TNS3: variants seen among roughly 807,000 people sequenced by gnomAD.
TNS3 encodes the protein tensin-3.
In TNS3, 45 loss-of-function variants were observed where a neutral mutation model predicts 140.9. That is an observed-to-expected ratio of 0.32 (90% CI 0.25 to 0.41). The LOEUF (loss-of-function observed/expected upper bound fraction) is 0.41. TNS3 is among the 10% of genes least tolerant of loss of function. The probability of loss-of-function intolerance (pLI) is 1.00; values close to 1 mark genes in which losing one functional copy is unlikely to be tolerated. For missense variants in TNS3, 1,716 were observed against 1,906.7 expected, an observed-to-expected ratio of 0.90 and a Z score of 1.86; for synonymous variants, 815 against 788.4, an observed-to-expected ratio of 1.03 and a Z score of -0.56.
chr7:47,507,136 G>C (rs947377683), intron 2 of TNS3, among the ~76,000 whole-genome samples, 192 bp from the exon 3 acceptor site: 1 of 152,220 alleles, frequency 6.6e-6, no homozygotes. Flanking sequence ...GACATGGTGT[G>C]CAAGAGCAGA....
intron 2 of TNS3, among the ~76,000 whole-genome samples, chr7:47,522,725 G>A (rs564647882): frequency 1.5e-4 from 23 of 152,200 alleles, no homozygotes; most frequent in African/African-American, 4.1e-4. Flanking sequence ...TCAGGAGATC[G>A]AGACCATCCT....
chr7:47,288,252 G>A (rs1282902449), intron 27 of TNS3, among the ~76,000 whole-genome samples: 1 of 152,040 alleles, frequency 6.6e-6, no homozygotes, highest in African/African-American at 2.4e-5. Context: ...TGCCAACTTG[G>A]GTCCTCTGTC....
intron 10 of TNS3, among the ~76,000 whole-genome samples, chr7:47,420,019 T>C (rs965385771): frequency 2.0e-5 from 3 of 152,220 alleles, no homozygotes; most frequent in East Asian, 1.9e-4. Flanking sequence ...GCAATTCCCC[T>C]GTCTTGGTAA....
At chr7:47,326,725 G>A (rs1425911463) in intron 20 of TNS3, among the ~76,000 whole-genome samples, 1 of 152,142 alleles carries the variant, frequency 6.6e-6, no homozygotes, top group Non-Finnish European at 1.5e-5. Flanking sequence ...ACACTGACAC[G>A]CATATGGAAT....
chr7:47,368,319 C>T (rs540352871), intron 17 of TNS3, 46 bp downstream of exon 17: 40 of 1,431,686 alleles, frequency 2.8e-5, no homozygotes, highest in African/African-American at 2.3e-4. Flanking sequence ...ATTAGCCTCC[C>T]GTGGAGCACC....
chr7:47,365,650 G>A (rs1433972198), intron 17 of TNS3, among the ~76,000 whole-genome samples: 1 of 152,038 alleles, frequency 6.6e-6, no homozygotes, highest in Admixed American at 6.5e-5. Flanking sequence ...TGTAGTCCCA[G>A]CTACTGGGTT....
Position 47,408,881 on chromosome 7 carries a change from T to C in TNS3, c.723+2846A>G, listed in dbSNP as rs150633801. Among the ~76,000 whole-genome samples, 280 of 152,146 alleles carry C rather than the reference T, an allele frequency of 1.8e-3. 4 individuals are homozygous for C. The highest frequency in any genetic ancestry group is 6.6e-3 in the African/African-American group (272 of 41,508). On this transcript the variant is annotated intron_variant, in intron 13 of 30. Coordinates refer to ENST00000311160, the MANE Select transcript of TNS3 (RefSeq NM_022748.12). ...CAGGACACGTCCATCTGAGTCCTCC[T>C]GTGACCTCTCCCACCCCGTCTCATC... is the stretch of plus-strand genomic sequence containing the variant.
intron 1 of TNS3, chr7:47,579,854 G>T (rs1481850819): frequency 1.0e-6 from 1 of 985,176 alleles, no homozygotes; most frequent in African/African-American, 1.7e-5. Flanking sequence ...TTGCCATACT[G>T]CCTCCTCCTC....
intron 1 of TNS3, among the ~76,000 whole-genome samples, chr7:47,577,742 T>G (rs1167777828): frequency 2.0e-5 from 3 of 152,062 alleles, no homozygotes; most frequent in African/African-American, 7.2e-5. Context: ...ACTTGAGTAG[T>G]AAAAGGAAGG....
Position 47,430,810 on chromosome 7 carries a change from G to A in TNS3, c.325-2434C>T, listed in dbSNP as rs1191372241. Among the ~76,000 whole-genome samples the A allele has an allele frequency of 6.6e-5, 10 of 150,708 alleles. No individual in the cohort carries two copies. The East Asian group carries it at 9.8e-4, about 15-fold the overall frequency. ...ATCTCAGCTCACTACAACCTCCACC[G>A]CCTGGGTTCAAGCGATTCTCGTGCC... On this transcript the variant is annotated intron_variant, in intron 8 of 30. Coordinates refer to ENST00000311160, the MANE Select transcript of TNS3 (RefSeq NM_022748.12).
chr7:47,555,412 A>G (rs1187918096), intron 1 of TNS3, among the ~76,000 whole-genome samples: 1 of 152,188 alleles, frequency 6.6e-6, no homozygotes, highest in East Asian at 1.9e-4. Flanking sequence ...AAAAAAAAAA[A>G]AAAAAGAAAG....
chr7:47,440,323 C>T (rs1373152788), intron 5 of TNS3, among the ~76,000 whole-genome samples: 1 of 152,104 alleles, frequency 6.6e-6, no homozygotes, highest in Non-Finnish European at 1.5e-5. Flanking sequence ...AGTAGCAACT[C>T]AGCAGACTCC....
At chr7:47,561,517 G>T (rs1394359870) in intron 1 of TNS3, among the ~76,000 whole-genome samples, 1 of 151,926 alleles carries the variant, frequency 6.6e-6, no homozygotes, top group Non-Finnish European at 1.5e-5. Flanking sequence ...CAAAACCATT[G>T]TTTCCCTCAT....
chr7:47,400,710 G>C, intron 14 of TNS3, 75 bp downstream of exon 14: 1 of 1,581,770 alleles, frequency 6.3e-7, no homozygotes, highest in Non-Finnish European at 8.6e-7. Flanking sequence ...GGGTAAAGGG[G>C]ATAGTGAAAG....
At chr7:47,505,950 G>T (rs572310651) in intron 3 of TNS3, among the ~76,000 whole-genome samples, 1 of 152,302 alleles carries the variant, frequency 6.6e-6, no homozygotes, top group East Asian at 1.9e-4. Flanking sequence ...TGAGTTCATG[G>T]TAACATGAAG....
At chr7:47,355,700 C>T (rs1332998843) in intron 17 of TNS3, among the ~76,000 whole-genome samples, 1 of 152,192 alleles carries the variant, frequency 6.6e-6, no homozygotes, top group Non-Finnish European at 1.5e-5. Flanking sequence ...CACTGAACTC[C>T]CAATTATGTA....
intron 4 of TNS3, among the ~76,000 whole-genome samples, chr7:47,467,655 G>A (rs1796775238): frequency 6.6e-6 from 1 of 152,146 alleles, no homozygotes; most frequent in Non-Finnish European, 1.5e-5. Context: ...AGCTCAAGAT[G>A]CCTTCAGTGA....
intron 1 of TNS3, chr7:47,581,508 G>T (rs935491010): frequency 9.8e-5 from 15 of 152,288 alleles, no homozygotes; most frequent in African/African-American, 3.6e-4. Context: ...CTCTCCACCT[G>T]GAGTCTCGAG....
Position 47,303,597 on chromosome 7 carries a change from C to A in TNS3, c.2823-13G>T. ...TGCAGAAGAGGAGCTGTTCAAAAGA[C>A]AAGCCGACCAAGACAGCATGTAAGG... On this transcript the variant is annotated splice_polypyrimidine_tract_variant and intron_variant, in intron 21 of 30. Transcript: ENST00000311160. 6.4e-7 allele frequency: 1 copy of A among 1,572,358 alleles called. No homozygotes were observed. Among genetic ancestry groups the A allele is most frequent in the Middle Eastern group, 1.7e-4 (1 of 6,014 alleles).
Sources: allele counts gnomAD v4.1 joint callset (sites outside exome capture counted in the v4.1 genomes callset), GRCh38; gene constraint gnomAD v4.1.1; transcripts MANE v1.5; gene names NCBI Gene and HGNC (gene_info 2026-07-23, HGNC 2026-07-21).